The following TSC1 variants were observed in gnomAD, a reference collection of about 807,000 sequenced individuals.
TSC1 encodes TSC complex subunit 1.
A neutral mutation model predicts 124.3 loss-of-function variants in TSC1; 20 were observed. That is an observed-to-expected ratio of 0.16 (90% CI 0.11 to 0.23). The LOEUF (loss-of-function observed/expected upper bound fraction) is 0.23, where lower values mean the gene tolerates loss of function less well. Among genes scored for constraint, TSC1 ranks in the 10% least tolerant of loss-of-function variants. The pLI is 1.00. For synonymous variants in TSC1, 493 were observed against 539.1 expected, an observed-to-expected ratio of 0.91 and a Z score of 1.19; for missense variants, 1,124 against 1,448.5, an observed-to-expected ratio of 0.78 and a Z score of 3.64.
chr9:132,911,397 G>A (rs1845948919), intron 10 of TSC1, 56 bp downstream of exon 10: 1 of 1,364,246 alleles, frequency 7.3e-7, no homozygotes, highest in Non-Finnish European at 1.1e-6. Flanking sequence ...CTGACCCAAA[G>A]GGTCAGCTTC....
intron 8 of TSC1, among the ~76,000 whole-genome samples, chr9:132,914,907 G>A (rs1359391346): frequency 1.3e-5 from 2 of 151,892 alleles, no homozygotes; most frequent in African/African-American, 4.8e-5. Flanking sequence ...TGGGCATGGT[G>A]GCTCACACCT....
At chr9:132,932,700 C>G (rs1847264216) in intron 2 of TSC1, among the ~76,000 whole-genome samples, 1 of 152,320 alleles carries the variant, frequency 6.6e-6, no homozygotes, top group African/African-American at 2.4e-5. Context: ...TAGTCCCAGT[C>G]TTCCCAAACA....
In TSC1 at chr9:132,923,964, C is replaced by G. The variant is rs893028094; in HGVS notation, c.364-472G>C. Among the ~76,000 whole-genome samples the G allele has an allele frequency of 6.7e-6, 1 of 149,234 alleles. No homozygotes were observed. Among genetic ancestry groups the G allele is most frequent in the Admixed American group, 6.7e-5 (1 of 15,012 alleles). On this transcript the variant is annotated intron_variant, in intron 5 of 22. Transcript: ENST00000298552. The surrounding 1 kb of genome is among the most constrained non-coding windows in gnomAD (Gnocchi z 4.2). ...AAGTAACTTACTATTTTTTAAAGAA[C>G]TACAACAGAAGTATAATTGAAGGAG...
rs1845100575 is a variant in TSC1, at chr9:132,896,866, ACT to A, written c.2976-114_2976-113del. The stretch of plus-strand genomic sequence containing the variant: ...CACTGACACTGAACTCCGCTAGCCC[ACT>A]CTCTGTTTTATAATACTGGACTCAA... On this transcript the variant is annotated intron_variant, in intron 22 of 22. Coordinates refer to ENST00000298552, the MANE Select transcript of TSC1 (RefSeq NM_000368.5). The surrounding 1 kb of genome is among the most constrained non-coding windows in gnomAD (Gnocchi z 4.5). 3.9e-6 allele frequency: 6 copies of A among 1,523,706 alleles called. No homozygotes were observed. Among genetic ancestry groups the A allele is most frequent in the East Asian group, 4.5e-5 (2 of 44,396 alleles). 94.4% of individuals were successfully genotyped at this position (1,523,706 alleles called of 1,614,324 possible). A position where few individuals can be genotyped will look rare whatever the true frequency, so the allele number is the denominator to read the frequency against.
At chr9:132,933,194 T>C (rs1488383941) in intron 2 of TSC1, among the ~76,000 whole-genome samples, 6 of 152,110 alleles carry the variant, frequency 3.9e-5, no homozygotes, top group Non-Finnish European at 8.8e-5. Context: ...GCCTCCCGAG[T>C]AGCTGAGATT....
rs770570830 is a variant in TSC1 at position 132,905,947 on chromosome 9, C to T, written c.1631G>A (p.Gly544Glu). ...AAAGGCTTGCTTTGGTGTGTCAGGC[C>T]CAAGCTTGTCCAGGGAGGAGTGTAA... ...EPLHSSLDKL[G>E]PDTPKQAFTP... is the part of the protein sequence containing the mutation. The change falls in exon 15 of 23, where the codon GGG (glycine) becomes GAG (glutamate). Residue 544 changes from glycine (G) to glutamate (E), a missense_variant. Gly to Glu is a moderately conservative substitution (Grantham distance 98). Around this residue, in one of 5 missense-constraint regions of TSC1, gnomAD observed 321 missense variants for 397.4 expected, o/e 0.81. Coordinates refer to ENST00000298552, the MANE Select transcript of TSC1 (RefSeq NM_000368.5). 1.2e-5 allele frequency: 19 copies of T among 1,614,002 alleles called. No homozygotes were observed. The East Asian group carries it at 2.7e-4, about 23-fold the overall frequency.
At chr9:132,916,913 T>C (rs1846294945) in intron 8 of TSC1, among the ~76,000 whole-genome samples, 1 of 152,208 alleles carries the variant, frequency 6.6e-6, no homozygotes, top group African/African-American at 2.4e-5. Context: ...TCTTCCTCCT[T>C]CATGATTTTA....
chr9:132,933,358 A>G (rs1201815413), intron 2 of TSC1, among the ~76,000 whole-genome samples: 4 of 152,044 alleles, frequency 2.6e-5, no homozygotes, highest in Non-Finnish European at 5.9e-5. Context: ...GAGCCACCAC[A>G]CCTGGCCAAA....
chr9:132,939,156 C>T (rs879363225), intron 1 of TSC1: 3 of 152,312 alleles, frequency 2.0e-5, no homozygotes, highest in Non-Finnish European at 4.4e-5. Flanking sequence ...TCCGCTCTGG[C>T]TCAGGAACTC....
Position 132,896,294 on chromosome 9 carries a change from C to A in TSC1, c.3436G>T (p.Asp1146Tyr), listed in dbSNP as rs397514806. Residue 1146 changes from aspartate to tyrosine, a missense_variant, in exon 23 of 23, where the codon GAC becomes TAC. By Grantham distance (160) the Asp-to-Tyr change is radical (BLOSUM62 -3). Coordinates refer to ENST00000298552, the MANE Select transcript of TSC1 (RefSeq NM_000368.5). This position sits in a 1 kb window ranked among gnomAD's most constrained non-coding sequence, Gnocchi z 4.5. ...ATGATATGTAGCTGTCCAACACTGT[C>A]CGGGGTCGGGGGAGACGGGTGAGGG... ...DGPHPSPPTP[D>Y]SVGQLHIMDY... 23 of 1,614,196 alleles carry A rather than the reference C, an allele frequency of 1.4e-5. No individual in the cohort carries two copies. Among genetic ancestry groups the A allele is most frequent in the Non-Finnish European group, 1.9e-5 (23 of 1,180,040 alleles).
intron 13 of TSC1, among the ~76,000 whole-genome samples, 193 bp from the exon 14 acceptor site, chr9:132,907,028 A>G (rs1346559709): frequency 6.6e-6 from 1 of 152,236 alleles, no homozygotes; most frequent in Non-Finnish European, 1.5e-5. Flanking sequence ...AGTACCAAAA[A>G]TAATCCCATA....
chr9:132,920,666 G>GGGCCTAAGT (rs1453828210), intron 8 of TSC1, among the ~76,000 whole-genome samples: 1 of 151,972 alleles, frequency 6.6e-6, no homozygotes, highest in Non-Finnish European at 1.5e-5. Flanking sequence ...AGTATCCATG[G>GGGCCTAAGT]GTCAGTTTCC....
At chr9:132,916,185 T>G (rs925962172) in intron 8 of TSC1, among the ~76,000 whole-genome samples, 2 of 152,194 alleles carry the variant, frequency 1.3e-5, no homozygotes, top group African/African-American at 4.8e-5. Context: ...ATTTTTTTCT[T>G]TCTCAGATGT....
intron 12 of TSC1, among the ~76,000 whole-genome samples, chr9:132,908,509 G>A (rs567273596): frequency 1.6e-4 from 24 of 152,208 alleles, no homozygotes; most frequent in Middle Eastern, 3.2e-3. Context: ...CTGGAATGCA[G>A]TGGCGTGATC....
chr9:132,907,209 A>G (rs1845717129), intron 13 of TSC1, 92 bp downstream of exon 13: 1 of 1,106,566 alleles, frequency 9.0e-7, no homozygotes, highest in Non-Finnish European at 1.4e-6. Flanking sequence ...ATATCCCAGA[A>G]TTTCCTTGTT....
chr9:132,896,127 C>T lies in TSC1; in HGVS notation c.*108G>A, dbSNP rs1845017538. 1.4e-5 allele frequency: 21 copies of T among 1,531,480 alleles called. No individual in the cohort carries two copies. In the South Asian group the frequency reaches 2.3e-4, roughly 16 times the overall value. 94.9% of individuals were successfully genotyped at this position (1,531,480 alleles called of 1,614,324 possible). ...AAAGGACCTCCGTCCCATTTCCACACATGAACTTGCACTCAGACCCTGGAA... is the reference window on the plus strand; with the variant it reads ...AAAGGACCTCCGTCCCATTTCCACATATGAACTTGCACTCAGACCCTGGAA... On this transcript the variant is annotated 3_prime_UTR_variant, in exon 23 of 23. Coordinates refer to ENST00000298552, the MANE Select transcript of TSC1 (RefSeq NM_000368.5). This position sits in a 1 kb window ranked among gnomAD's most constrained non-coding sequence, Gnocchi z 4.5.
At chr9:132,916,520 G>T (rs1050319740) in intron 8 of TSC1, among the ~76,000 whole-genome samples, 2 of 152,046 alleles carry the variant, frequency 1.3e-5, no homozygotes, top group African/African-American at 4.8e-5. Flanking sequence ...AACTGTTTTT[G>T]TTGTTTTCAA....
At chr9:132,904,871 C>T (rs1047441399) in intron 15 of TSC1, among the ~76,000 whole-genome samples, 1 of 152,154 alleles carries the variant, frequency 6.6e-6, no homozygotes, top group Admixed American at 6.5e-5. Context: ...TATGTCACTC[C>T]GATTTAAGGA....
chr9:132,931,856 C>T (rs1021428596), intron 2 of TSC1, among the ~76,000 whole-genome samples: 2 of 152,092 alleles, frequency 1.3e-5, no homozygotes, highest in Non-Finnish European at 2.9e-5. Flanking sequence ...GGGAAGAAAC[C>T]AGCCCTACAT....
Sources: allele counts gnomAD v4.1 joint callset (sites outside exome capture counted in the v4.1 genomes callset), GRCh38; gene constraint gnomAD v4.1.1; regional missense constraint gnomAD v4.1.1; non-coding constraint Gnocchi (gnomAD v3.1); transcripts MANE v1.5; gene names NCBI Gene and HGNC (gene_info 2026-07-23, HGNC 2026-07-21).